KMT2C: variants seen among roughly 807,000 people sequenced by gnomAD.
The protein encoded by KMT2C is histone-lysine N-methyltransferase 2C.
Under a neutral mutation model 507.9 loss-of-function variants are expected in KMT2C, and 88 were observed. The observed-to-expected ratio is 0.17, with a 90% CI of 0.15 to 0.21. The LOEUF (loss-of-function observed/expected upper bound fraction) is 0.21. KMT2C is among the 10% of genes least tolerant of loss of function. KMT2C has a pLI of 1.00. For synonymous variants in KMT2C, 2,049 were observed against 2,080.8 expected (o/e 0.98, Z 0.42); for missense variants, 4,954 against 5,957.8 (o/e 0.83, Z 5.55).
At chr7:152,288,073 A>T (rs2096338657) in intron 6 of KMT2C, among the ~76,000 whole-genome samples, 1 of 151,268 alleles carries the variant, frequency 6.6e-6, no homozygotes, top group Non-Finnish European at 1.5e-5. Flanking sequence ...TTTGAAACAA[A>T]GGAAACAATA....
At chr7:152,182,772 T>A (rs1180473422) in intron 35 of KMT2C, among the ~76,000 whole-genome samples, 178 bp from the exon 36 acceptor site, 1 of 152,234 alleles carries the variant, frequency 6.6e-6, no homozygotes, top group Non-Finnish European at 1.5e-5. Flanking sequence ...GTTCCATTTG[T>A]GCCTAGGGCA....
At chr7:152,245,497 T>C (rs980051427) in intron 14 of KMT2C, among the ~76,000 whole-genome samples, 10 of 152,166 alleles carry the variant, frequency 6.6e-5, no homozygotes, top group African/African-American at 2.2e-4. Flanking sequence ...GTTTTTGTTT[T>C]TTTAAAGTGT....
At chr7:152,331,428 G>A (rs940751904) in intron 2 of KMT2C, among the ~76,000 whole-genome samples, 2 of 151,796 alleles carry the variant, frequency 1.3e-5, no homozygotes, top group Admixed American at 1.3e-4. Flanking sequence ...GACAGCCTGG[G>A]AAACATGGTA....
chr7:152,179,598 G>A (rs1160982000), intron 37 of KMT2C, among the ~76,000 whole-genome samples: 1 of 136,986 alleles, frequency 7.3e-6, no homozygotes, highest in Non-Finnish European at 1.5e-5. Flanking sequence ...ACAGCTTCCT[G>A]ATTAATACTA....
At chr7:152,380,873 A>G (rs974964525) in intron 1 of KMT2C, among the ~76,000 whole-genome samples, 5 of 152,184 alleles carry the variant, frequency 3.3e-5, no homozygotes, top group Non-Finnish European at 7.4e-5. Context: ...TCAAAAGGGA[A>G]CAAATAAAAG....
At chr7:152,157,996 C>A (rs2092183879) in intron 44 of KMT2C, 1 of 1,097,224 alleles carries the variant, frequency 9.1e-7, no homozygotes, top group Non-Finnish European at 1.2e-6. Flanking sequence ...TTTCTAAGAC[C>A]CGAAGCAACT....
intron 55 of KMT2C, among the ~76,000 whole-genome samples, chr7:152,142,034 A>G (rs777115321): frequency 6.6e-6 from 1 of 152,238 alleles, no homozygotes; most frequent in Non-Finnish European, 1.5e-5. Context: ...AGAAGAAGAA[A>G]GAAAATCAGT....
intron 26 of KMT2C, among the ~76,000 whole-genome samples, chr7:152,199,785 G>A (rs938392058): frequency 2.0e-5 from 3 of 152,112 alleles, no homozygotes; most frequent in African/African-American, 7.2e-5. Flanking sequence ...ACTTGCAGAG[G>A]ACAGCATAAG....
chr7:152,138,805 T>C lies in KMT2C; in HGVS notation c.14634A>G (p.Lys4878=). The part of the protein sequence containing the change: ...IIISSSRRIQ[K]GEELCYDYKF... ...TCTCTCACACTCTTACCTCTTCTCC[T>C]TTCTGGATTCTCCGACTGGAGCTGA... The change falls in exon 58 of 59, where the codon AAA becomes AAG. Residue 4878 remains lysine, a synonymous_variant. Transcript: ENST00000262189. The surrounding 1 kb of genome is among the most constrained non-coding windows in gnomAD (Gnocchi z 4.2). 1 of 1,602,202 alleles carries C rather than the reference T, an allele frequency of 6.2e-7. No homozygotes were observed. Among genetic ancestry groups the C allele is most frequent in the Non-Finnish European group, 8.5e-7 (1 of 1,172,368 alleles).
chr7:152,141,727 AAAAAAT>A (rs974477225), intron 55 of KMT2C, among the ~76,000 whole-genome samples: 11 of 150,848 alleles, frequency 7.3e-5, no homozygotes, highest in African/African-American at 2.7e-4. Context: ...AAAAAAAAAA[AAAAAAT>A]TCATGCCAGC....
At chr7:152,248,837 A>G (rs2095517871) in intron 13 of KMT2C, among the ~76,000 whole-genome samples, 1 of 152,240 alleles carries the variant, frequency 6.6e-6, no homozygotes, top group Admixed American at 6.5e-5. Context: ...ATGTTTTACA[A>G]CTTAAGGATT....
intron 55 of KMT2C, among the ~76,000 whole-genome samples, chr7:152,142,949 A>G (rs1377900547): frequency 6.6e-6 from 1 of 152,238 alleles, no homozygotes; most frequent in Non-Finnish European, 1.5e-5. Context: ...AGGTGGACAG[A>G]TGGGAGGGTG....
chr7:152,409,095 C>T (rs564400995), intron 1 of KMT2C, among the ~76,000 whole-genome samples: 4 of 151,966 alleles, frequency 2.6e-5, no homozygotes, highest in Admixed American at 6.6e-5. Context: ...TCTTGACCTC[C>T]GGAGCTCAAC....
Position 152,205,223 on chromosome 7 carries a change from T to C in KMT2C, c.3844A>G (p.Ile1282Val), listed in dbSNP as rs1336830729. The C allele has an allele frequency of 6.2e-7, 1 of 1,610,608 alleles. No homozygotes were observed. Among genetic ancestry groups the C allele is most frequent in the Non-Finnish European group, 8.5e-7 (1 of 1,178,746 alleles). Residue 1282 changes from isoleucine (I) to valine (V), a missense_variant and splice_region_variant, in exon 25 of 59, where the codon ATT becomes GTT. By Grantham distance (29) the Ile-to-Val change is conservative (BLOSUM62 3). This residue lies in a region of KMT2C where 176 missense variants were observed against 262.0 expected (regional missense o/e 0.67). Coordinates refer to ENST00000262189, the MANE Select transcript of KMT2C (RefSeq NM_170606.3). ...CTTTGCCGCACCATAAATCCACCAATACCTATCCAAAAAAGAAATTAGGTA... is the reference window on the plus strand; with the variant it reads ...CTTTGCCGCACCATAAATCCACCAACACCTATCCAAAAAAGAAATTAGGTA... ...KRKRKPYRPG[I>V]GGFMVRQRSR...
In KMT2C at chr7:152,369,839, C is replaced by T. The variant is rs959021047; in HGVS notation, c.162-11164G>A. On this transcript the variant is annotated intron_variant, in intron 1 of 58. Transcript: ENST00000262189. ...TTTTCCTTTATAAACTACCAACTCT[C>T]GGGTATTTTGCTATAGCAATAGAAA... Among the ~76,000 whole-genome samples, 10 of 152,072 alleles carry T rather than the reference C, an allele frequency of 6.6e-5. No homozygotes were observed. The East Asian group carries it at 1.9e-3, about 29-fold the overall frequency.
At chr7:152,345,461 C>T (rs1013986047) in intron 2 of KMT2C, among the ~76,000 whole-genome samples, 3 of 152,114 alleles carry the variant, frequency 2.0e-5, no homozygotes, top group African/African-American at 7.2e-5. Flanking sequence ...AGAAGAATCA[C>T]TTTGAGTAAC....
At position 152,151,687 on chromosome 7, in the gene KMT2C, CATT is replaced by C. The variant is rs1209279363; in HGVS notation, c.12527-109_12527-107del. 3.8e-6 allele frequency: 3 copies of C among 782,562 alleles called. No homozygotes were observed. In the East Asian group the frequency reaches 8.9e-5, roughly 23 times the overall value. The allele number at this position is 782,562 out of a possible 1,614,324, so 48.5% of individuals were successfully genotyped here. A position where few individuals can be genotyped will look rare whatever the true frequency, so the allele number is the denominator to read the frequency against. On this transcript the variant is annotated intron_variant, in intron 49 of 58. Transcript: ENST00000262189. ...AACTCATTACAACATGGTTCATTAA[CATT>C]ATTCTTTAATTAATAAAAAAAATTT... is the stretch of plus-strand genomic sequence containing the variant.
chr7:152,419,656 A>G (rs1772003772), intron 1 of KMT2C, among the ~76,000 whole-genome samples: 1 of 152,168 alleles, frequency 6.6e-6, no homozygotes, highest in South Asian at 2.1e-4. Flanking sequence ...AAAATGCCCA[A>G]TTTACTTTCC....
At chr7:152,265,256 T>A (rs1471615642) in intron 7 of KMT2C, 47 bp from the exon 8 acceptor site, 2 of 1,603,774 alleles carry the variant, frequency 1.2e-6, no homozygotes, top group Non-Finnish European at 1.7e-6. Context: ...AGAATTTAAA[T>A]TTTTTCTGAC....
Sources: gnomAD v4.1 joint callset for allele counts (sites outside exome capture counted in the v4.1 genomes callset) on GRCh38, gnomAD v4.1.1 for gene constraint, gnomAD v4.1.1 regional missense constraint, Gnocchi (gnomAD v3.1) non-coding constraint, MANE v1.5 for transcripts, NCBI Gene and HGNC (gene_info 2026-07-23, HGNC 2026-07-21) for gene names.